Variants in CPNE8 observed in about 807,000 individuals in gnomAD.
The protein encoded by CPNE8 is copine 8, also known as copine-8.
In CPNE8, 45 loss-of-function variants were observed where a neutral mutation model predicts 81.5. That is an observed-to-expected ratio of 0.55 (90% CI 0.44 to 0.71). The LOEUF is 0.71. Ranked by LOEUF, CPNE8 falls within the 30% of genes least tolerant of loss-of-function variation. The pLI is 0.00. For synonymous variants in CPNE8, 252 were observed against 226.3 expected (o/e 1.11, Z -1.02); for missense variants, 594 against 672.1 (o/e 0.88, Z 1.28).
At chr12:38,798,609 G>C (rs1199000578) in intron 6 of CPNE8, among the ~76,000 whole-genome samples, 3 of 151,946 alleles carry the variant, frequency 2.0e-5, no homozygotes, top group African/African-American at 7.3e-5. Flanking sequence ...AAATTGTAAA[G>C]ACCATCGAGA....
chr12:38,758,630 T>C (rs1247691814), intron 10 of CPNE8, among the ~76,000 whole-genome samples: 1 of 152,174 alleles, frequency 6.6e-6, no homozygotes, highest in Middle Eastern at 3.2e-3. Flanking sequence ...AGTTTCTTTA[T>C]CTGTGAAAGG....
In CPNE8 at chr12:38,653,688, T is replaced by C. The variant is rs1194774010; in HGVS notation, c.*194A>G. ...CTTCAAGCATTTAAACAATTTTTTC[T>C]GTTGCTCATGCAACAACCATATTTA... On this transcript the variant is annotated 3_prime_UTR_variant, in exon 20 of 20. Transcript: ENST00000331366. 3.3e-6 allele frequency: 2 copies of C among 598,720 alleles called. No individual in the cohort carries two copies. The highest frequency in any genetic ancestry group is 4.6e-5 in the Admixed American group (1 of 21,580). 37.1% of individuals were successfully genotyped at this position (598,720 alleles called of 1,614,324 possible). A position where few individuals can be genotyped will look rare whatever the true frequency, so the allele number is the denominator to read the frequency against.
At chr12:38,789,749 G>GA (rs1175918650) in intron 6 of CPNE8, among the ~76,000 whole-genome samples, 3 of 151,382 alleles carry the variant, frequency 2.0e-5, no homozygotes, top group East Asian at 1.9e-4. Context: ...AACTCTGTAG[G>GA]AAAAAAAATC....
At chr12:38,905,009 G>A (rs61937844) in intron 1 of CPNE8, among the ~76,000 whole-genome samples, 93 of 152,256 alleles carry the variant, frequency 6.1e-4, no homozygotes, top group Non-Finnish European at 1.0e-3. Flanking sequence ...CCTAGCAACA[G>A]CAGGTTTGCA....
intron 8 of CPNE8, 41 bp downstream of exon 8, chr12:38,767,593 CA>C (rs1333670902): frequency 8.9e-7 from 1 of 1,122,294 alleles, no homozygotes; most frequent in Non-Finnish European, 1.3e-6. Flanking sequence ...ATTCAAGTAT[CA>C]TCATTACCAT....
intron 1 of CPNE8, among the ~76,000 whole-genome samples, chr12:38,878,649 T>C (rs1396405413): frequency 6.6e-6 from 1 of 152,202 alleles, no homozygotes; most frequent in South Asian, 2.1e-4. Flanking sequence ...ACTGTTGTAG[T>C]TTTTATTGTC....
In CPNE8 at chr12:38,798,037, T is replaced by C. The variant is rs538081755; in HGVS notation, c.408-21736A>G. On this transcript the variant is annotated intron_variant, in intron 6 of 19. Coordinates refer to ENST00000331366, the MANE Select transcript of CPNE8 (RefSeq NM_153634.3). Reference sequence around the variant, plus strand: ...AGAAATGAAGAAAGCCTCCAAGAAATATGGGACTATGTGAAAAGACCAAAT... The same window carrying C: ...AGAAATGAAGAAAGCCTCCAAGAAACATGGGACTATGTGAAAAGACCAAAT... 3.0e-4 allele frequency among the ~76,000 whole-genome samples: 46 copies of C among 152,068 alleles called. No individual in the cohort carries two copies. In the East Asian group the frequency reaches 8.7e-3, roughly 29 times the overall value.
intron 3 of CPNE8, among the ~76,000 whole-genome samples, chr12:38,853,507 T>G (rs1291790544): frequency 6.6e-6 from 1 of 152,124 alleles, no homozygotes; most frequent in Non-Finnish European, 1.5e-5. Flanking sequence ...AGTATTAAGT[T>G]TTCATAAACT....
At chr12:38,739,409 AG>A in intron 10 of CPNE8, among the ~76,000 whole-genome samples, 1 of 152,312 alleles carries the variant, frequency 6.6e-6, no homozygotes, top group East Asian at 1.9e-4. Context: ...TAATTTAAAA[AG>A]TTGAGTGAGC....
chr12:38,691,707 C>T (rs920666567), intron 15 of CPNE8, among the ~76,000 whole-genome samples: 3 of 152,052 alleles, frequency 2.0e-5, no homozygotes, highest in Non-Finnish European at 2.9e-5. Flanking sequence ...AATTTATACA[C>T]AATAGAAAAG....
At chr12:38,834,084 T>C (rs916491741) in intron 5 of CPNE8, among the ~76,000 whole-genome samples, 1 of 152,102 alleles carries the variant, frequency 6.6e-6, no homozygotes, top group Non-Finnish European at 1.5e-5. Flanking sequence ...ATCCCAAGTG[T>C]GGATGAAAGC....
intron 6 of CPNE8, among the ~76,000 whole-genome samples, chr12:38,785,512 A>G (rs1468092572): frequency 6.6e-6 from 1 of 152,108 alleles, no homozygotes; most frequent in Non-Finnish European, 1.5e-5. Flanking sequence ...GTGATAGTGA[A>G]TAAGTCTTAG....
At chr12:38,772,439 C>A (rs1941823423) in intron 7 of CPNE8, among the ~76,000 whole-genome samples, 1 of 152,036 alleles carries the variant, frequency 6.6e-6, no homozygotes, top group East Asian at 1.9e-4. Context: ...AGAAAATCAA[C>A]CCAATTTAAA....
chr12:38,754,924 G>A (rs1941427069), intron 10 of CPNE8, among the ~76,000 whole-genome samples: 1 of 152,104 alleles, frequency 6.6e-6, no homozygotes, highest in Non-Finnish European at 1.5e-5. Context: ...TTACCATTAA[G>A]GGAAGATTCC....
intron 10 of CPNE8, among the ~76,000 whole-genome samples, chr12:38,748,597 T>G (rs1941289366): frequency 1.3e-5 from 2 of 151,548 alleles, no homozygotes; most frequent in South Asian, 4.2e-4. Context: ...GCCTCCCTGG[T>G]TCATGCCATT....
chr12:38,790,747 A>T (rs1212450580), intron 6 of CPNE8, among the ~76,000 whole-genome samples: 3 of 151,704 alleles, frequency 2.0e-5, no homozygotes, highest in Admixed American at 6.6e-5. Context: ...CACAAAAATT[A>T]AAAAGATTTA....
chr12:38,904,302 G>T (rs146309421), intron 1 of CPNE8, among the ~76,000 whole-genome samples: 27 of 152,082 alleles, frequency 1.8e-4, no homozygotes, highest in African/African-American at 6.5e-4. Context: ...ATATTAATTC[G>T]CAAATTAGTG....
chr12:38,795,867 G>GATAGATAGATAGATAGATA (rs1942451420), intron 6 of CPNE8, among the ~76,000 whole-genome samples: 7 of 148,134 alleles, frequency 4.7e-5, no homozygotes, highest in Admixed American at 6.8e-5. Context: ...ATGGATGGAT[G>GATAGATAGATAGATAGATA]GATAGATAGA....
intron 8 of CPNE8, among the ~76,000 whole-genome samples, chr12:38,764,634 A>G (rs201115251): frequency 2.8e-4 from 42 of 151,192 alleles, no homozygotes; most frequent in East Asian, 1.7e-3. Context: ...AAAAAAAAAA[A>G]AAAAAGAAAA....
Sources: gnomAD v4.1 joint callset for allele counts (sites outside exome capture counted in the v4.1 genomes callset) on GRCh38, gnomAD v4.1.1 for gene constraint, MANE v1.5 for transcripts, NCBI Gene and HGNC (gene_info 2026-07-23, HGNC 2026-07-21) for gene names.